Variants in SIPA1L3 observed in about 807,000 individuals in gnomAD.
The protein encoded by SIPA1L3 is signal induced proliferation associated 1 like 3, also known as signal-induced proliferation-associated 1-like protein 3.
In SIPA1L3, 59 loss-of-function variants were observed where a neutral mutation model predicts 150.1. The observed-to-expected ratio is 0.39, with a 90% confidence interval of 0.32 to 0.49. SIPA1L3 has a LOEUF of 0.49. Among genes scored for constraint, SIPA1L3 ranks in the 20% least tolerant of loss-of-function variants. SIPA1L3 has a pLI of 0.86. For synonymous variants in SIPA1L3, 1,070 were observed against 1,077.6 expected, an observed-to-expected ratio of 0.99 and a Z score of 0.14; for missense variants, 2,211 against 2,489.5, an observed-to-expected ratio of 0.89 and a Z score of 2.38.
chr19:38,163,683 T>C (rs1972143559), intron 14 of SIPA1L3, among the ~76,000 whole-genome samples: 1 of 151,930 alleles, frequency 6.6e-6, no homozygotes, highest in South Asian at 2.1e-4. Context: ...GCAGAGGCCC[T>C]GACGGGGAGT....
intron 4 of SIPA1L3, among the ~76,000 whole-genome samples, chr19:38,090,401 C>T (rs1213886188): frequency 6.6e-6 from 1 of 151,414 alleles, no homozygotes; most frequent in African/African-American, 2.4e-5. Flanking sequence ...AGATCACAAG[C>T]CCAAGTCCTG....
intron 1 of SIPA1L3, among the ~76,000 whole-genome samples, chr19:37,981,422 CAAA>C (rs774199467): frequency 3.4e-4 from 25 of 72,472 alleles, no homozygotes; most frequent in South Asian, 4.7e-4. Context: ...GACCCTGTCT[CAAA>C]AAAAAAAAAA....
chr19:38,139,102 G>A (rs184083822), intron 10 of SIPA1L3, among the ~76,000 whole-genome samples: 28 of 146,510 alleles, frequency 1.9e-4, no homozygotes, highest in African/African-American at 6.5e-4. Flanking sequence ...AGGCTAAGGC[G>A]CGAGAATCGC....
intron 13 of SIPA1L3, among the ~76,000 whole-genome samples, chr19:38,154,977 T>C (rs1446080897): frequency 6.6e-6 from 1 of 152,052 alleles, no homozygotes; most frequent in Non-Finnish European, 1.5e-5. Context: ...CCAAGGCTGG[T>C]CTTGAACTCC....
rs1029301748 is a variant in SIPA1L3 at position 38,206,507 on chromosome 19, G to A, written c.*267G>A. 4.2e-5 allele frequency: 16 copies of A among 382,134 alleles called. No homozygotes were observed. Among genetic ancestry groups the A allele is most frequent in the African/African-American group, 8.4e-5 (4 of 47,784 alleles). The allele number at this position is 382,134 out of a possible 1,614,324, so 23.7% of individuals were successfully genotyped here. The stretch of plus-strand genomic sequence containing the variant: ...CGGTGAGCTGGGCTGTGCTTACACC[G>A]CTCCCGGGCCTGCCCCGCTGTCCCC... On this transcript the variant is annotated 3_prime_UTR_variant, in exon 22 of 22. Transcript: ENST00000222345.
intron 1 of SIPA1L3, among the ~76,000 whole-genome samples, chr19:37,993,471 A>G (rs992696265): frequency 2.0e-5 from 3 of 152,200 alleles, no homozygotes; most frequent in African/African-American, 4.8e-5. Flanking sequence ...AGCTGGAATT[A>G]TAGGTGCACG....
intron 1 of SIPA1L3, among the ~76,000 whole-genome samples, chr19:38,000,987 T>C (rs1007963174): frequency 5.4e-5 from 8 of 147,988 alleles, no homozygotes; most frequent in Non-Finnish European, 5.9e-5. Flanking sequence ...ATAACACACA[T>C]ATATATAACA....
In SIPA1L3 at chr19:38,082,010, G is replaced by C. The variant is rs765353327; in HGVS notation, c.445G>C (p.Val149Leu). The C allele has an allele frequency of 6.2e-7, 1 of 1,614,196 alleles. No homozygotes were observed. Among genetic ancestry groups the C allele is most frequent in the Middle Eastern group, 1.6e-4 (1 of 6,062 alleles). Residue 149 changes from valine to leucine, a missense_variant, in exon 3 of 22, where the codon GTG becomes CTG. By Grantham distance (32) the Val-to-Leu change is conservative (BLOSUM62 1). Coordinates refer to ENST00000222345, the MANE Select transcript of SIPA1L3 (RefSeq NM_015073.3). ...HRLSRRRSKD[V>L]EFQDGWPRSP... ...ACTCTCCAGGAGAAGGTCCAAAGACGTGGAGTTCCAGGACGGGTGGCCCCG... is the reference window on the plus strand; with the variant it reads ...ACTCTCCAGGAGAAGGTCCAAAGACCTGGAGTTCCAGGACGGGTGGCCCCG...
chr19:38,202,315 C>T (rs979837983), intron 20 of SIPA1L3, among the ~76,000 whole-genome samples: 6 of 152,086 alleles, frequency 3.9e-5, no homozygotes, highest in Non-Finnish European at 8.8e-5. Flanking sequence ...AGGCCGGGCG[C>T]GGTGGCTCAC....
At chr19:38,112,000 C>A (rs1328062917) in intron 8 of SIPA1L3, among the ~76,000 whole-genome samples, 1 of 150,518 alleles carries the variant, frequency 6.6e-6, no homozygotes, top group African/African-American at 2.5e-5. Flanking sequence ...CACACCTGCA[C>A]ACAGGCACAC....
At chr19:38,114,537 C>G (rs1437229988) in intron 8 of SIPA1L3, among the ~76,000 whole-genome samples, 6 of 152,178 alleles carry the variant, frequency 3.9e-5, no homozygotes, top group Admixed American at 6.5e-5. Flanking sequence ...TCTCATCCAT[C>G]CCCCTGCCTG....
intron 1 of SIPA1L3, among the ~76,000 whole-genome samples, chr19:37,949,337 A>C (rs2046740743): frequency 6.6e-6 from 1 of 152,058 alleles, no homozygotes; most frequent in South Asian, 2.1e-4. Context: ...TGGCCATCCC[A>C]CCCGTGCCTG....
At chr19:37,983,476 C>T (rs1490530243) in intron 1 of SIPA1L3, among the ~76,000 whole-genome samples, 2 of 152,178 alleles carry the variant, frequency 1.3e-5, no homozygotes, top group East Asian at 3.8e-4. Flanking sequence ...TTAGCAGCTG[C>T]TCCTAGGCAC....
At chr19:38,178,595 C>A (rs1972495525) in intron 15 of SIPA1L3, among the ~76,000 whole-genome samples, 1 of 152,176 alleles carries the variant, frequency 6.6e-6, no homozygotes, top group Admixed American at 6.5e-5. Flanking sequence ...CCTGCTTCAG[C>A]CTCCCGAGTA....
chr19:37,947,180 T>A (rs1033639273), intron 1 of SIPA1L3, among the ~76,000 whole-genome samples: 6 of 151,320 alleles, frequency 4.0e-5, no homozygotes, highest in African/African-American at 1.5e-4. Flanking sequence ...GGCAACAGAG[T>A]GAGACCTTGT....
At chr19:38,097,928 G>A (rs1297644292) in intron 4 of SIPA1L3, among the ~76,000 whole-genome samples, 1 of 152,164 alleles carries the variant, frequency 6.6e-6, no homozygotes, top group African/African-American at 2.4e-5. Context: ...AACAAACCAC[G>A]AGCTTCGGAG....
chr19:37,920,795 G>C (rs1008656158), intron 1 of SIPA1L3, among the ~76,000 whole-genome samples: 1 of 152,202 alleles, frequency 6.6e-6, no homozygotes, highest in Non-Finnish European at 1.5e-5. Flanking sequence ...TCTGGCAGCA[G>C]TGGGAACACC....
chr19:38,002,729 A>AG (rs1967838343), intron 1 of SIPA1L3, among the ~76,000 whole-genome samples: 1 of 150,008 alleles, frequency 6.7e-6, no homozygotes, highest in Non-Finnish European at 1.5e-5. Flanking sequence ...AAAAAAAAAA[A>AG]AAAAAAAAAA....
intron 1 of SIPA1L3, among the ~76,000 whole-genome samples, chr19:37,987,601 G>A (rs1310564672): frequency 6.6e-6 from 1 of 152,236 alleles, no homozygotes; most frequent in Non-Finnish European, 1.5e-5. Flanking sequence ...CTGGAATAGA[G>A]GTGGGGCAGT....
Sources: gnomAD v4.1 joint callset for allele counts (sites outside exome capture counted in the v4.1 genomes callset) on GRCh38, gnomAD v4.1.1 for gene constraint, MANE v1.5 for transcripts, NCBI Gene and HGNC (gene_info 2026-07-23, HGNC 2026-07-21) for gene names.